The following ADGB variants were observed in gnomAD, a reference collection of about 807,000 sequenced individuals.
ADGB encodes the protein androglobin.
In ADGB, 172 loss-of-function variants were observed where a neutral mutation model predicts 210.5. The observed-to-expected ratio is 0.82, with a 90% confidence interval of 0.72 to 0.93. The LOEUF (loss-of-function observed/expected upper bound fraction) is 0.93. ADGB is among the 40% of genes least tolerant of loss of function. ADGB has a pLI of 0.00. For synonymous variants in ADGB, 658 were observed against 662.7 expected (o/e 0.99, Z 0.11); for missense variants, 2,025 against 1,964.8 (o/e 1.03, Z -0.58).
chr6:146,622,906 T>A (rs1780917378), intron 1 of ADGB, among the ~76,000 whole-genome samples: 1 of 152,070 alleles, frequency 6.6e-6, no homozygotes, highest in East Asian at 1.9e-4. Flanking sequence ...CGTAAATTGA[T>A]GTTTATTTTG....
chr6:146,626,677 C>A (rs182001970), intron 1 of ADGB, among the ~76,000 whole-genome samples: 21 of 151,556 alleles, frequency 1.4e-4, no homozygotes, highest in Admixed American at 1.4e-3. Context: ...TTTATTTTTT[C>A]CTTTAACTGC....
At chr6:146,691,441 TAAAAATATATATATATAAAA>T (rs1776314964) in intron 11 of ADGB, among the ~76,000 whole-genome samples, 151 bp downstream of exon 11, 4 of 13,522 alleles carry the variant, frequency 3.0e-4, no homozygotes, top group African/African-American at 1.2e-3. Flanking sequence ...TATATATATA[TAAAAATATATATATATAAAA>T]ATATATATAT....
intron 3 of ADGB, among the ~76,000 whole-genome samples, chr6:146,652,845 G>A (rs79651962): frequency 0.014 from 2,170 of 152,094 alleles, 45 homozygotes; most frequent in African/African-American, 0.048. Flanking sequence ...CCTATCAGAC[G>A]TTAACTAAGT....
In ADGB at chr6:146,721,409, G is replaced by A. The variant is rs868252124; in HGVS notation, c.1999G>A (p.Glu667Lys). Residue 667 changes from glutamate to lysine, a missense_variant, in exon 17 of 36, where the codon GAA becomes AAA. Glu to Lys is a moderately conservative substitution (Grantham distance 56, BLOSUM62 1). Coordinates refer to ENST00000397944, the MANE Select transcript of ADGB (RefSeq NM_024694.4). Reference sequence around the variant, plus strand: ...CTGGTCTAATTTCTTGCAGTTCTCAGAAGAACGAGTGTCCTACTATCTATT... The same window carrying A: ...CTGGTCTAATTTCTTGCAGTTCTCAAAAGAACGAGTGTCCTACTATCTATT... Reference protein sequence around the residue: ...NFQKSEFKFSEERVSYYLFVD... With the variant: ...NFQKSEFKFSKERVSYYLFVD... The A allele has an allele frequency of 6.5e-7, 1 of 1,545,936 alleles. No homozygotes were observed. Among genetic ancestry groups the A allele is most frequent in the African/African-American group, 1.4e-5 (1 of 72,922 alleles).
At chr6:146,713,463 A>G (rs1005548510) in intron 13 of ADGB, among the ~76,000 whole-genome samples, 13 of 152,108 alleles carry the variant, frequency 8.5e-5, no homozygotes, top group African/African-American at 3.1e-4. Flanking sequence ...GTCTCATTGT[A>G]ATTTTGGTTT....
chr6:146,733,613 AT>A (rs1777036593), intron 21 of ADGB, among the ~76,000 whole-genome samples: 1 of 152,178 alleles, frequency 6.6e-6, no homozygotes, highest in South Asian at 2.1e-4. Flanking sequence ...CTCTGCTCTC[AT>A]CATTTTAACA....
intron 35 of ADGB, among the ~76,000 whole-genome samples, chr6:146,812,453 G>C (rs961095208): frequency 6.6e-6 from 1 of 152,082 alleles, no homozygotes; most frequent in African/African-American, 2.4e-5. Context: ...TTTCTTTAAA[G>C]GGGGGAAGGC....
chr6:146,656,554 G>T (rs1775784317), intron 4 of ADGB, among the ~76,000 whole-genome samples: 1 of 152,126 alleles, frequency 6.6e-6, no homozygotes, highest in Non-Finnish European at 1.5e-5. Context: ...AGTATGTTTA[G>T]TATGAGACAT....
At chr6:146,641,705 C>T (rs1160647233) in intron 2 of ADGB, among the ~76,000 whole-genome samples, 3 of 151,886 alleles carry the variant, frequency 2.0e-5, no homozygotes, top group Non-Finnish European at 4.4e-5. Context: ...TAGCCATATG[C>T]AGAAGATTGA....
chr6:146,813,998 C>G (rs1418981773), intron 35 of ADGB, among the ~76,000 whole-genome samples: 1 of 86,054 alleles, frequency 1.2e-5, no homozygotes, highest in Non-Finnish European at 2.1e-5. Context: ...TTTACAAACT[C>G]TCCTTAAAAT....
intron 5 of ADGB, among the ~76,000 whole-genome samples, chr6:146,662,167 T>C (rs1226920186): frequency 6.6e-6 from 1 of 152,188 alleles, no homozygotes; most frequent in African/African-American, 2.4e-5. Flanking sequence ...TGTAGGTTTA[T>C]GTCTTATGAC....
At chr6:146,716,838 T>A in intron 14 of ADGB, 45 bp from the exon 15 acceptor site, 1 of 1,445,214 alleles carries the variant, frequency 6.9e-7, no homozygotes, top group Non-Finnish European at 9.2e-7. Context: ...TTCAATAACT[T>A]GTTATTTAAC....
Position 146,753,994 on chromosome 6 carries a change from A to C in ADGB, c.3550+1280A>C, listed in dbSNP as rs540488839. 2.6e-5 allele frequency among the ~76,000 whole-genome samples: 4 copies of C among 151,516 alleles called. 1 individual carries two copies. The highest frequency in any genetic ancestry group is 9.6e-5 in the African/African-American group (4 of 41,526). ...CTCCAGGATTCATTTCTTTTTAAAA[A>C]ATTTATTATATTTGTCCTCAAAACT... On this transcript the variant is annotated intron_variant, in intron 27 of 35. Coordinates refer to ENST00000397944, the MANE Select transcript of ADGB (RefSeq NM_024694.4).
intron 17 of ADGB, among the ~76,000 whole-genome samples, chr6:146,722,936 CTGTTT>C (rs1776842642): frequency 6.6e-6 from 1 of 152,080 alleles, no homozygotes; most frequent in Non-Finnish European, 1.5e-5. Flanking sequence ...ATTCTTTGGC[CTGTTT>C]TGTTAAAGAA....
At chr6:146,715,966 G>T (rs1776726620) in intron 14 of ADGB, among the ~76,000 whole-genome samples, 1 of 151,352 alleles carries the variant, frequency 6.6e-6, no homozygotes, top group South Asian at 2.1e-4. Flanking sequence ...TACTTGGGAG[G>T]CTGAGGCAGG....
intron 1 of ADGB, among the ~76,000 whole-genome samples, chr6:146,629,100 G>A (rs1459796987): frequency 6.6e-6 from 1 of 151,980 alleles, no homozygotes; most frequent in Admixed American, 6.6e-5. Flanking sequence ...AGGGTTAAAG[G>A]CCCTTCCACA....
At chr6:146,654,365 G>T (rs1190844597) in intron 4 of ADGB, among the ~76,000 whole-genome samples, 159 bp downstream of exon 4, 3 of 151,552 alleles carry the variant, frequency 2.0e-5, no homozygotes, top group Non-Finnish European at 4.4e-5. Flanking sequence ...ATGGGGGTGG[G>T]TGTTTGAGAC....
chr6:146,777,935 C>T (rs1367454938), intron 29 of ADGB, among the ~76,000 whole-genome samples: 1 of 152,156 alleles, frequency 6.6e-6, no homozygotes, highest in Non-Finnish European at 1.5e-5. Context: ...TACAGGTTAT[C>T]TGTATGATTT....
At chr6:146,705,923 A>G (rs759965776) in intron 13 of ADGB, among the ~76,000 whole-genome samples, 1 of 152,020 alleles carries the variant, frequency 6.6e-6, no homozygotes, top group African/African-American at 2.4e-5. Flanking sequence ...TTTCTTTGAT[A>G]GGAGACTTTT....
Sources: allele counts gnomAD v4.1 joint callset (sites outside exome capture counted in the v4.1 genomes callset), GRCh38; gene constraint gnomAD v4.1.1; transcripts MANE v1.5; gene names NCBI Gene and HGNC (gene_info 2026-07-23, HGNC 2026-07-21).